The following KIAA1328 variants were observed in gnomAD, a reference collection of about 807,000 sequenced individuals.
KIAA1328 encodes the protein protein hinderin.
KIAA1328 carries 52 observed loss-of-function variants against 68.1 expected under a neutral mutation model. That is an observed-to-expected ratio of 0.76 (90% CI 0.61 to 0.96). KIAA1328 has a LOEUF of 0.96. Ranked by LOEUF, KIAA1328 falls within the 40% of genes least tolerant of loss-of-function variation. The pLI is 0.00. For missense variants in KIAA1328, 641 were observed against 677.6 expected (o/e 0.95, Z 0.60); for synonymous variants, 232 against 239.4 (o/e 0.97, Z 0.28).
chr18:36,894,441 C>T (rs1406658971), intron 5 of KIAA1328, among the ~76,000 whole-genome samples: 1 of 152,150 alleles, frequency 6.6e-6, no homozygotes, highest in African/African-American at 2.4e-5. Context: ...GACTTCATTC[C>T]TTGTGTGCCT....
intron 8 of KIAA1328, among the ~76,000 whole-genome samples, chr18:37,169,235 G>T (rs1460710127): frequency 6.6e-6 from 1 of 150,596 alleles, no homozygotes; most frequent in Non-Finnish European, 1.5e-5. Flanking sequence ...GCACGATCTC[G>T]GCTCACTGCA....
intron 6 of KIAA1328, among the ~76,000 whole-genome samples, chr18:37,028,512 C>CTTT (rs575689979): frequency 6.8e-6 from 1 of 146,902 alleles, no homozygotes; most frequent in South Asian, 2.2e-4. Context: ...GGTTAGATGC[C>CTTT]TTTTTTTTTT....
intron 7 of KIAA1328, among the ~76,000 whole-genome samples, chr18:37,115,489 A>G (rs2058078744): frequency 6.6e-6 from 1 of 152,208 alleles, no homozygotes; most frequent in Non-Finnish European, 1.5e-5. Flanking sequence ...AACTCTCAAT[A>G]AGCTAGGTAT....
At chr18:37,197,554 G>T (rs2060027360) in intron 9 of KIAA1328, among the ~76,000 whole-genome samples, 1 of 152,108 alleles carries the variant, frequency 6.6e-6, no homozygotes, top group South Asian at 2.1e-4. Flanking sequence ...GTGTACTTTG[G>T]AAGATGAGAG....
At chr18:36,939,890 A>G (rs1598765017) in intron 5 of KIAA1328, among the ~76,000 whole-genome samples, 2 of 152,120 alleles carry the variant, frequency 1.3e-5, no homozygotes, top group African/African-American at 4.8e-5. Context: ...TTTTACATGT[A>G]TATATGAAAA....
At chr18:36,990,400 C>G (rs1394040366) in intron 6 of KIAA1328, among the ~76,000 whole-genome samples, 1 of 151,874 alleles carries the variant, frequency 6.6e-6, no homozygotes, top group Non-Finnish European at 1.5e-5. Flanking sequence ...TTGAGCCAGG[C>G]ATGGTGGCTC....
chr18:37,195,001 G>A (rs1338404147), intron 9 of KIAA1328, among the ~76,000 whole-genome samples: 2 of 152,044 alleles, frequency 1.3e-5, no homozygotes, highest in African/African-American at 2.4e-5. Flanking sequence ...TACATATTTG[G>A]GTGGTACATG....
intron 9 of KIAA1328, among the ~76,000 whole-genome samples, chr18:37,207,838 T>G (rs1339041780): frequency 3.9e-5 from 6 of 152,156 alleles, no homozygotes; most frequent in Non-Finnish European, 8.8e-5. Flanking sequence ...TGAGATGGAG[T>G]TTCGCTCATT....
At chr18:36,932,467 AC>A (rs1293577339) in intron 5 of KIAA1328, among the ~76,000 whole-genome samples, 1 of 152,104 alleles carries the variant, frequency 6.6e-6, no homozygotes, top group Non-Finnish European at 1.5e-5. Context: ...CAAGCAATCC[AC>A]CCACCTTAGC....
At chr18:37,170,196 AT>A (rs888268819) in intron 8 of KIAA1328, among the ~76,000 whole-genome samples, 1 of 152,174 alleles carries the variant, frequency 6.6e-6, no homozygotes, top group South Asian at 2.1e-4. Context: ...CCAGTTTGGT[AT>A]TTTTTTAATC....
chr18:37,102,536 A>C (rs571062223), intron 7 of KIAA1328, among the ~76,000 whole-genome samples: 2 of 152,334 alleles, frequency 1.3e-5, no homozygotes, highest in African/African-American at 4.8e-5. Flanking sequence ...GATATATCTC[A>C]TTATAAAAAC....
At chr18:37,156,956 A>C (rs909641806) in intron 7 of KIAA1328, among the ~76,000 whole-genome samples, 1 of 152,176 alleles carries the variant, frequency 6.6e-6, no homozygotes, top group Non-Finnish European at 1.5e-5. Context: ...ACAGGGACAG[A>C]CTTTTGCAAT....
intron 6 of KIAA1328, among the ~76,000 whole-genome samples, chr18:36,976,257 A>G (rs1276354313): frequency 1.1e-4 from 17 of 152,344 alleles, no homozygotes; most frequent in Non-Finnish European, 2.9e-5. Context: ...ATGCCTGGAT[A>G]TAAGAAATGT....
rs538016124 is a variant in KIAA1328, at chr18:36,996,488, C to T, written c.576+37053C>T. On this transcript the variant is annotated intron_variant, in intron 6 of 9. Transcript: ENST00000280020. The stretch of plus-strand genomic sequence containing the variant: ...TTGATTACTGAGTCTGTTAAAAGGG[C>T]TCTAAATTTTAAAAACAGTAAGTAA... 2.0e-5 allele frequency among the ~76,000 whole-genome samples: 3 copies of T among 152,170 alleles called. No individual in the cohort carries two copies. The East Asian group carries it at 5.8e-4, about 29-fold the overall frequency.
intron 4 of KIAA1328, among the ~76,000 whole-genome samples, chr18:36,882,150 A>C (rs1374459381): frequency 1.3e-5 from 2 of 152,200 alleles, no homozygotes; most frequent in African/African-American, 4.8e-5. Context: ...AGAATTATTT[A>C]TTTCTGCTAC....
intron 7 of KIAA1328, among the ~76,000 whole-genome samples, chr18:37,149,393 C>T (rs1251570691): frequency 6.6e-6 from 1 of 152,082 alleles, no homozygotes; most frequent in Non-Finnish European, 1.5e-5. Flanking sequence ...CTTCCATATA[C>T]AAAAATTAAC....
At chr18:37,061,114 CAAAAA>C (rs983918025) in intron 6 of KIAA1328, among the ~76,000 whole-genome samples, 1 of 149,118 alleles carries the variant, frequency 6.7e-6, no homozygotes, top group East Asian at 2.0e-4. Context: ...GACTCCGTCT[CAAAAA>C]AAAAGAGAAA....
In KIAA1328 at chr18:36,953,787, C is replaced by G. The variant is rs2051274438; in HGVS notation, c.449-5521C>G. Among the ~76,000 whole-genome samples the G allele has an allele frequency of 1.3e-5, 2 of 151,910 alleles. 1 individual carries two copies. Among genetic ancestry groups the G allele is most frequent in the South Asian group, 4.2e-4 (2 of 4,816 alleles). ...TAATTGAGTCCATATTCTAATTTTT[C>G]TAGTTGTCCCAATAATGTCTTTTCT... On this transcript the variant is annotated intron_variant, in intron 5 of 9. Coordinates refer to ENST00000280020, the MANE Select transcript of KIAA1328 (RefSeq NM_020776.3).
At chr18:37,181,543 T>C (rs935610801) in intron 9 of KIAA1328, among the ~76,000 whole-genome samples, 3 of 152,200 alleles carry the variant, frequency 2.0e-5, no homozygotes, top group Non-Finnish European at 4.4e-5. Flanking sequence ...ATTCCTCTTA[T>C]ACACACTGGT....
Sources: allele counts gnomAD v4.1 joint callset (sites outside exome capture counted in the v4.1 genomes callset), GRCh38; gene constraint gnomAD v4.1.1; transcripts MANE v1.5; gene names NCBI Gene and HGNC (gene_info 2026-07-23, HGNC 2026-07-21).